The following RELN variants were observed in gnomAD, a reference collection of about 807,000 sequenced individuals.
RELN encodes the protein reelin.
In RELN, 108 loss-of-function variants were observed where a neutral mutation model predicts 427.6. The observed-to-expected ratio is 0.25, with a 90% CI of 0.22 to 0.30. The LOEUF (loss-of-function observed/expected upper bound fraction) is 0.30, where lower values mean the gene tolerates loss of function less well. Ranked by LOEUF, RELN falls within the 10% of genes least tolerant of loss-of-function variation. The pLI is 1.00. For missense variants in RELN, 3,715 were observed against 4,302.8 expected (o/e 0.86, Z 3.82); for synonymous variants, 1,524 against 1,513.4 (o/e 1.01, Z -0.16).
chr7:103,826,158 G>A (rs1318704248), intron 3 of RELN, among the ~76,000 whole-genome samples: 3 of 133,588 alleles, frequency 2.2e-5, no homozygotes, highest in Admixed American at 8.1e-5. Flanking sequence ...GCCATGTGAT[G>A]CCTTCCACCA....
intron 6 of RELN, among the ~76,000 whole-genome samples, chr7:103,738,562 T>C (rs371290275): frequency 6.6e-6 from 1 of 151,960 alleles, no homozygotes; most frequent in Non-Finnish European, 1.5e-5. Flanking sequence ...GTCAACTCTC[T>C]GTCCCCGAAA....
At chr7:103,473,068 A>G in intron 64 of RELN, 160 bp from the exon 65 acceptor site, 1 of 739,018 alleles carries the variant, frequency 1.4e-6, no homozygotes, top group Non-Finnish European at 2.5e-6. Context: ...ACCCAGGGTC[A>G]GAGGAACTAA....
intron 20 of RELN, among the ~76,000 whole-genome samples, chr7:103,616,065 G>T (rs535852532): frequency 6.6e-6 from 1 of 152,240 alleles, no homozygotes; most frequent in South Asian, 2.1e-4. Context: ...TTGCAACTGA[G>T]CCCATCTCTT....
At chr7:103,737,164 G>C (rs1451027529) in intron 6 of RELN, among the ~76,000 whole-genome samples, 2 of 152,064 alleles carry the variant, frequency 1.3e-5, no homozygotes, top group Non-Finnish European at 2.9e-5. Flanking sequence ...TTCTGGCAAG[G>C]GTATGTCATC....
intron 44 of RELN, among the ~76,000 whole-genome samples, chr7:103,539,660 T>G (rs916467473): frequency 1.4e-4 from 21 of 152,254 alleles, no homozygotes; most frequent in Non-Finnish European, 2.9e-5. Flanking sequence ...AATTTCTATT[T>G]AAGGACAGTT....
rs775529885 is a variant in RELN at position 103,523,450 on chromosome 7, G to T, written c.7431C>A (p.Ile2477=). 13 of 1,613,838 alleles carry T rather than the reference G, an allele frequency of 8.1e-6. No homozygotes were observed. The highest frequency in any genetic ancestry group is 1.1e-5 in the Non-Finnish European group (13 of 1,179,978). The stretch of plus-strand genomic sequence containing the variant: ...TGCACATGTCTATGCAGCCATCCCC[G>T]ATATAGACATTATCTATTGCCCATG... ...QQTWAIDNVY[I]GDGCIDMCSG... The change falls in exon 47 of 65, where the codon ATC becomes ATA. Residue 2477 remains isoleucine (I), a synonymous_variant. Transcript: ENST00000428762.
intron 2 of RELN, among the ~76,000 whole-genome samples, chr7:103,898,352 C>T (rs1173498081): frequency 2.0e-5 from 3 of 151,766 alleles, no homozygotes; most frequent in Non-Finnish European, 4.4e-5. Flanking sequence ...TAATCATTTC[C>T]CTATTATTGG....
intron 57 of RELN, among the ~76,000 whole-genome samples, chr7:103,494,806 T>G (rs2117015555): frequency 6.6e-6 from 1 of 152,234 alleles, no homozygotes; most frequent in African/African-American, 2.4e-5. Context: ...TTTGAGGATT[T>G]AGGAAGTTCC....
At position 103,539,242 on chromosome 7, in the gene RELN, G is replaced by A; in HGVS notation, c.7016C>T (p.Pro2339Leu). Residue 2339 changes from proline to leucine, a missense_variant, in exon 45 of 65, where the codon CCA becomes CTA. This residue lies in a region of RELN where 1,310 missense variants were observed against 1,643.0 expected (regional missense o/e 0.80). Transcript: ENST00000428762. ...TLDSRKWLLH[P>L]GGTKMPVCGS... ...ACACACGGGCATCTTGGTGCCTCCT[G>A]GGTGAAGCAGCCATTTCCTACTATC... 1 of 1,614,234 alleles carries A rather than the reference G, an allele frequency of 6.2e-7. No homozygotes were observed. The highest frequency in any genetic ancestry group is 2.2e-5 in the East Asian group (1 of 44,880).
At chr7:103,908,685 A>G (rs6949925) in intron 2 of RELN, among the ~76,000 whole-genome samples, 3,100 of 152,306 alleles carry the variant, frequency 0.02, 104 homozygotes, top group African/African-American at 0.071. Context: ...CAAGTTAGCT[A>G]TTTGGAAGTT....
At chr7:103,692,250 T>C (rs981981505) in intron 10 of RELN, among the ~76,000 whole-genome samples, 1 of 152,122 alleles carries the variant, frequency 6.6e-6, no homozygotes, top group African/African-American at 2.4e-5. Context: ...TAGCCAGAGA[T>C]GCAATGCTAA....
chr7:103,771,423 A>C (rs940478825), intron 4 of RELN, among the ~76,000 whole-genome samples: 1 of 151,744 alleles, frequency 6.6e-6, no homozygotes, highest in African/African-American at 2.4e-5. Context: ...TGCTTCCTCC[A>C]TGCTCCACCC....
chr7:103,846,671 C>G (rs974058316), intron 2 of RELN, among the ~76,000 whole-genome samples: 1 of 152,188 alleles, frequency 6.6e-6, no homozygotes, highest in Admixed American at 6.5e-5. Context: ...TTTTTGCAAT[C>G]TATCCATCTG....
At chr7:103,727,340 G>C (rs938363730) in intron 7 of RELN, among the ~76,000 whole-genome samples, 2 of 152,114 alleles carry the variant, frequency 1.3e-5, no homozygotes, top group African/African-American at 4.8e-5. Context: ...GATGGTACAA[G>C]AAGAGTATTA....
At chr7:103,656,018 G>A (rs1458393748) in intron 12 of RELN, among the ~76,000 whole-genome samples, 1 of 151,920 alleles carries the variant, frequency 6.6e-6, no homozygotes, top group African/African-American at 2.4e-5. Flanking sequence ...TGTCAGCTCT[G>A]GAGTAATTAA....
At chr7:103,558,711 G>C (rs186374881) in intron 36 of RELN, among the ~76,000 whole-genome samples, 1 of 152,284 alleles carries the variant, frequency 6.6e-6, no homozygotes, top group Non-Finnish European at 1.5e-5. Flanking sequence ...TTGACAACTC[G>C]AAAGGTTCTT....
intron 2 of RELN, among the ~76,000 whole-genome samples, chr7:103,886,907 A>G (rs998670618): frequency 9.9e-5 from 15 of 152,212 alleles, no homozygotes; most frequent in Admixed American, 9.8e-4. Context: ...GGAGGAAATT[A>G]AGAAGAGGAA....
At chr7:103,982,237 C>T (rs1406739721) in intron 1 of RELN, among the ~76,000 whole-genome samples, 2 of 152,068 alleles carry the variant, frequency 1.3e-5, no homozygotes, top group Admixed American at 6.6e-5. Flanking sequence ...TGAATTATAC[C>T]GCCAATAAAT....
chr7:103,904,224 A>G (rs1795145196), intron 2 of RELN, among the ~76,000 whole-genome samples: 1 of 152,110 alleles, frequency 6.6e-6, no homozygotes. Context: ...CATAGTGTAT[A>G]TGTACCACAT....
Sources: allele counts gnomAD v4.1 joint callset (sites outside exome capture counted in the v4.1 genomes callset), GRCh38; gene constraint gnomAD v4.1.1; regional missense constraint gnomAD v4.1.1; transcripts MANE v1.5; gene names NCBI Gene and HGNC (gene_info 2026-07-23, HGNC 2026-07-21).